Variants in FSHR observed in about 807,000 individuals in gnomAD.
The protein encoded by FSHR is follicle-stimulating hormone receptor.
Under a neutral mutation model 52.1 loss-of-function variants are expected in FSHR, and 46 were observed. That is an observed-to-expected ratio of 0.88 (90% CI 0.70 to 1.13). The LOEUF (loss-of-function observed/expected upper bound fraction) is 1.13. Among genes scored for constraint, FSHR ranks in the 50% most tolerant of loss-of-function variants. The pLI, the probability that FSHR is intolerant of heterozygous loss-of-function variation, is 0.00. For missense variants in FSHR, 964 were observed against 834.6 expected (o/e 1.16, Z -1.91); for synonymous variants, 399 against 309.6 (o/e 1.29, Z -3.03).
intron 4 of FSHR, among the ~76,000 whole-genome samples, chr2:48,991,217 G>A (rs1356053499): frequency 6.6e-6 from 1 of 152,128 alleles, no homozygotes; most frequent in African/African-American, 2.4e-5. Context: ...TCCTTCCCAA[G>A]GTCTGGTTGT....
At chr2:49,127,938 G>A (rs1229765705) in intron 1 of FSHR, among the ~76,000 whole-genome samples, 2 of 136,626 alleles carry the variant, frequency 1.5e-5, no homozygotes, top group Non-Finnish European at 3.1e-5. Flanking sequence ...TGTTCCCTAG[G>A]CTGGAGTGCA....
At chr2:49,017,878 C>T (rs1667546028) in intron 3 of FSHR, among the ~76,000 whole-genome samples, 1 of 152,118 alleles carries the variant, frequency 6.6e-6, no homozygotes, top group South Asian at 2.1e-4. Context: ...AGAGCTGCAT[C>T]TTTAACCAGT....
At chr2:49,051,772 C>T (rs1199709108) in intron 2 of FSHR, among the ~76,000 whole-genome samples, 1 of 150,160 alleles carries the variant, frequency 6.7e-6, no homozygotes, top group African/African-American at 2.5e-5. Flanking sequence ...GAATCTTTGC[C>T]TATCCCCTGA....
chr2:49,122,171 TA>T (rs1671840506), intron 1 of FSHR, among the ~76,000 whole-genome samples: 1 of 152,164 alleles, frequency 6.6e-6, no homozygotes, highest in African/African-American at 2.4e-5. Context: ...ATGCTTTGCC[TA>T]AAGCATGTTC....
chr2:49,108,520 T>C (rs1671315252), intron 1 of FSHR, among the ~76,000 whole-genome samples: 1 of 152,170 alleles, frequency 6.6e-6, no homozygotes. Flanking sequence ...AGAGTTCTGC[T>C]ACCTTTGGAT....
chr2:48,995,112 A>AT (rs1258590167), intron 4 of FSHR, among the ~76,000 whole-genome samples: 1 of 151,926 alleles, frequency 6.6e-6, no homozygotes, highest in African/African-American at 2.4e-5. Context: ...ATGGGCTCTT[A>AT]TTTTTTCTTG....
chr2:49,085,632 A>G (rs1410741347), intron 1 of FSHR, among the ~76,000 whole-genome samples: 4 of 152,212 alleles, frequency 2.6e-5, no homozygotes, highest in Non-Finnish European at 5.9e-5. Flanking sequence ...CCAAAGGACT[A>G]TAAATCATGC....
intron 1 of FSHR, among the ~76,000 whole-genome samples, chr2:49,104,806 C>T (rs76039335): frequency 0.016 from 2,364 of 145,654 alleles, 53 homozygotes; most frequent in African/African-American, 0.054. Flanking sequence ...GTATTTCCAC[C>T]AGTTCTGCTT....
chr2:49,066,700 A>G lies in FSHR; in HGVS notation c.224+1519T>C, dbSNP rs112752821. ...GTTGATATGTCAGCTCAGCTCAACC[A>G]TTCGTATTGCCACAGGAAGGTTTGC... is the stretch of plus-strand genomic sequence containing the variant. On this transcript the variant is annotated intron_variant, in intron 2 of 9. Coordinates refer to ENST00000406846, the MANE Select transcript of FSHR (RefSeq NM_000145.4). Among the ~76,000 whole-genome samples, 967 of 152,226 alleles carry G rather than the reference A, an allele frequency of 6.4e-3. 12 individuals are homozygous for G. The highest frequency in any genetic ancestry group is 0.021 in the African/African-American group (887 of 41,556).
chr2:49,060,084 C>A (rs185777299), intron 2 of FSHR, among the ~76,000 whole-genome samples: 1 of 151,978 alleles, frequency 6.6e-6, no homozygotes, highest in Non-Finnish European at 1.5e-5. Flanking sequence ...AAATGGCCAA[C>A]ACATATATGG....
At chr2:49,094,979 A>G (rs1670767260) in intron 1 of FSHR, among the ~76,000 whole-genome samples, 1 of 152,122 alleles carries the variant, frequency 6.6e-6, no homozygotes, top group Non-Finnish European at 1.5e-5. Context: ...TCCCTTATAG[A>G]ACAAAAAGGA....
At chr2:49,095,410 A>G (rs1401233825) in intron 1 of FSHR, among the ~76,000 whole-genome samples, 1 of 152,164 alleles carries the variant, frequency 6.6e-6, no homozygotes, top group Non-Finnish European at 1.5e-5. Flanking sequence ...TGCTGGGACA[A>G]CTAAATAGGC....
chr2:48,990,190 C>A (rs1020911718), intron 5 of FSHR, among the ~76,000 whole-genome samples: 1 of 152,022 alleles, frequency 6.6e-6, no homozygotes, highest in Admixed American at 6.6e-5. Context: ...TAGATAGTTT[C>A]TTTGTGCCCA....
At chr2:49,057,936 A>T (rs952896518) in intron 2 of FSHR, among the ~76,000 whole-genome samples, 2 of 152,232 alleles carry the variant, frequency 1.3e-5, no homozygotes, top group Admixed American at 6.5e-5. Context: ...GACCATGTCA[A>T]TATAGAAAAA....
chr2:49,066,856 G>A (rs1669520210), intron 2 of FSHR, among the ~76,000 whole-genome samples: 1 of 152,100 alleles, frequency 6.6e-6, no homozygotes, highest in Admixed American at 6.6e-5. Flanking sequence ...TAGGGACACA[G>A]GGATATCCAG....
At chr2:49,013,738 A>G (rs1024190651) in intron 4 of FSHR, among the ~76,000 whole-genome samples, 1 of 151,598 alleles carries the variant, frequency 6.6e-6, no homozygotes, top group Non-Finnish European at 1.5e-5. Flanking sequence ...AACATTTTGT[A>G]TAGTGTAGAA....
chr2:49,107,452 T>C lies in FSHR; in HGVS notation c.153-39162A>G, dbSNP rs192550542. Among the ~76,000 whole-genome samples the C allele has an allele frequency of 5.3e-5, 8 of 152,244 alleles. No homozygotes were observed. The East Asian group carries it at 1.5e-3, about 29-fold the overall frequency. On this transcript the variant is annotated intron_variant, in intron 1 of 9. Coordinates refer to ENST00000406846, the MANE Select transcript of FSHR (RefSeq NM_000145.4). ...ACCTGGCTGTTTCACTCTGTTATAA[T>C]TAGCCCCAGGAAAGCAGGCTCTATA...
At chr2:49,086,517 C>T (rs1184273403) in intron 1 of FSHR, among the ~76,000 whole-genome samples, 2 of 152,202 alleles carry the variant, frequency 1.3e-5, no homozygotes, top group Non-Finnish European at 2.9e-5. Context: ...GGCTTCAGAA[C>T]TCAGTGATTC....
At chr2:49,097,501 G>T (rs1173095259) in intron 1 of FSHR, among the ~76,000 whole-genome samples, 1 of 152,194 alleles carries the variant, frequency 6.6e-6, no homozygotes, top group African/African-American at 2.4e-5. Flanking sequence ...AGGATGAGAG[G>T]AGAACATAAT....
Sources: allele counts gnomAD v4.1 joint callset (sites outside exome capture counted in the v4.1 genomes callset), GRCh38; gene constraint gnomAD v4.1.1; transcripts MANE v1.5; gene names NCBI Gene and HGNC (gene_info 2026-07-23, HGNC 2026-07-21).